CD44: variants seen among roughly 807,000 people sequenced by gnomAD.
CD44 encodes CD44 molecule (IN blood group).
In CD44, 49 loss-of-function variants were observed where a neutral mutation model predicts 88.8. The observed-to-expected ratio is 0.55, with a 90% CI of 0.44 to 0.70. The LOEUF (loss-of-function observed/expected upper bound fraction) is 0.70. Ranked by LOEUF, CD44 falls within the 30% of genes least tolerant of loss-of-function variation. CD44 has a pLI of 0.00. For synonymous variants in CD44, 325 were observed against 312.3 expected (o/e 1.04, Z -0.43); for missense variants, 883 against 913.8 (o/e 0.97, Z 0.43).
chr11:35,181,202 A>G (rs1013827078), intron 3 of CD44, among the ~76,000 whole-genome samples: 12 of 152,180 alleles, frequency 7.9e-5, no homozygotes, highest in Admixed American at 7.9e-4. Flanking sequence ...AGTATATGGT[A>G]TGCCTTTGAC....
intron 1 of CD44, among the ~76,000 whole-genome samples, chr11:35,156,040 A>G (rs1941819515): frequency 6.6e-6 from 1 of 152,154 alleles, no homozygotes. Flanking sequence ...TTTCTACCCC[A>G]GAGCTGATGT....
chr11:35,200,960 T>C, intron 7 of CD44, 122 bp from the exon 8 acceptor site: 1 of 739,964 alleles, frequency 1.4e-6, no homozygotes. Context: ...CATGCAGCCA[T>C]CTATACAACC....
intron 17 of CD44, among the ~76,000 whole-genome samples, chr11:35,228,130 A>G (rs1363387952): frequency 2.6e-5 from 4 of 152,174 alleles, no homozygotes; most frequent in African/African-American, 9.7e-5. Context: ...GATATGTTAC[A>G]GGAAAGAGGA....
chr11:35,146,971 A>G (rs189191757), intron 1 of CD44, among the ~76,000 whole-genome samples: 18 of 152,300 alleles, frequency 1.2e-4, no homozygotes, highest in Admixed American at 2.6e-4. Context: ...ATTCATTCTG[A>G]TCTCTGAATA....
chr11:35,151,204 C>T (rs954802696), intron 1 of CD44, among the ~76,000 whole-genome samples: 1 of 151,936 alleles, frequency 6.6e-6, no homozygotes. Flanking sequence ...TGATTGGGGC[C>T]AGGGGAGGGG....
Position 35,193,561 on chromosome 11 carries a change from G to A in CD44, c.668-3185G>A, listed in dbSNP as rs183735455. Among the ~76,000 whole-genome samples, 1,036 of 152,290 alleles carry A rather than the reference G, an allele frequency of 6.8e-3. 10 individuals carry two copies. Among genetic ancestry groups the A allele is most frequent in the South Asian group, 0.023 (109 of 4,826 alleles). ...CTTTTTTGAGGAAGGAGGACATAAC[G>A]TAGATTTTCAAAGGGATATATAATT... On this transcript the variant is annotated intron_variant, in intron 5 of 17. Coordinates refer to ENST00000428726, the MANE Select transcript of CD44 (RefSeq NM_000610.4).
rs765550004 is a variant in CD44 at position 35,229,300 on chromosome 11, C to A, written c.2196C>A (p.Asn732Lys). Residue 732 changes from asparagine (N) to lysine (K), a missense_variant, in exon 18 of 18, where the codon AAC becomes AAA. By Grantham distance (94) the Asn-to-Lys change is moderately conservative. Coordinates refer to ENST00000428726, the MANE Select transcript of CD44 (RefSeq NM_000610.4). ...TTATGACAGCTGATGAGACAAGGAA[C>A]CTGCAGAATGTGGACATGAAGATTG... The part of the protein sequence containing the change: ...DQFMTADETR[N>K]LQNVDMKIGV 6.2e-7 allele frequency: 1 copy of A among 1,613,542 alleles called. No homozygotes were observed. The highest frequency in any genetic ancestry group is 1.1e-5 in the South Asian group (1 of 91,068).
chr11:35,159,168 TTGCCAATGAGG>T (rs1160542372), intron 1 of CD44, among the ~76,000 whole-genome samples: 3 of 152,222 alleles, frequency 2.0e-5, no homozygotes, highest in Non-Finnish European at 2.9e-5. Context: ...AATTTCTTGG[TTGCCAATGAGG>T]TGCCAGCTTC....
At chr11:35,190,892 C>T (rs947264345) in intron 5 of CD44, among the ~76,000 whole-genome samples, 1 of 152,194 alleles carries the variant, frequency 6.6e-6, no homozygotes, top group Non-Finnish European at 1.5e-5. Context: ...AGTATGTAAA[C>T]ATTGCGTTCC....
At chr11:35,222,428 C>A in intron 17 of CD44, 2 of 1,295,344 alleles carry the variant, frequency 1.5e-6, no homozygotes, top group Non-Finnish European at 2.0e-6. Context: ...CGTCTTCTTG[C>A]TGTTAGGAGG....
intron 14 of CD44, chr11:35,212,721 C>T (rs771408465): frequency 1.3e-5 from 2 of 152,184 alleles, no homozygotes; most frequent in Non-Finnish European, 2.9e-5. Context: ...TTGTTCTGCT[C>T]TCATTTATTA....
chr11:35,176,791 GC>G lies in CD44; in HGVS notation c.233+52del, dbSNP rs74594564. On this transcript the variant is annotated intron_variant, in intron 2 of 17. Coordinates refer to ENST00000428726, the MANE Select transcript of CD44 (RefSeq NM_000610.4). Reference sequence around the variant, plus strand: ...GGGAAAGCTGGCGGCCTGGGACCAGGCAGCTGGGCTTAGAACTGGAAGGCTC... The same window carrying G: ...GGGAAAGCTGGCGGCCTGGGACCAGGAGCTGGGCTTAGAACTGGAAGGCTC... 5,315 of 1,567,048 alleles carry G rather than the reference GC, an allele frequency of 3.4e-3. 156 individuals carry two copies. In the Admixed American group the frequency reaches 0.051, roughly 15 times the overall value.
chr11:35,145,683 C>A (rs1859006233), intron 1 of CD44, among the ~76,000 whole-genome samples: 3 of 152,152 alleles, frequency 2.0e-5, no homozygotes, highest in South Asian at 4.1e-4. Flanking sequence ...GATACTGATA[C>A]GAGGTTGAGA....
At chr11:35,153,413 T>A (rs1941444705) in intron 1 of CD44, among the ~76,000 whole-genome samples, 1 of 152,222 alleles carries the variant, frequency 6.6e-6, no homozygotes, top group Non-Finnish European at 1.5e-5. Context: ...GGTATTTTTT[T>A]ATCCTTTTTG....
At chr11:35,179,586 C>T (rs1398966798) in intron 2 of CD44, among the ~76,000 whole-genome samples, 1 of 152,056 alleles carries the variant, frequency 6.6e-6, no homozygotes, top group Non-Finnish European at 1.5e-5. Flanking sequence ...CTACATGAGC[C>T]GTTGCTATCT....
At chr11:35,194,273 C>T (rs1591181550) in intron 5 of CD44, among the ~76,000 whole-genome samples, 1 of 152,220 alleles carries the variant, frequency 6.6e-6, no homozygotes, top group East Asian at 1.9e-4. Context: ...TTGTGGGAGA[C>T]ATTAGGAGTC....
At chr11:35,166,365 ACT>A (rs1943262216) in intron 1 of CD44, among the ~76,000 whole-genome samples, 1 of 151,702 alleles carries the variant, frequency 6.6e-6, no homozygotes, top group Non-Finnish European at 1.5e-5. Context: ...TGCCAGAAAG[ACT>A]CTGTTGGATC....
intron 1 of CD44, among the ~76,000 whole-genome samples, chr11:35,153,452 C>A (rs2133203029): frequency 6.6e-6 from 1 of 152,262 alleles, no homozygotes; most frequent in African/African-American, 2.4e-5. Context: ...AACCATAAGG[C>A]CCACAGCAAC....
chr11:35,225,752 G>A (rs1195147441), intron 17 of CD44, among the ~76,000 whole-genome samples: 1 of 152,176 alleles, frequency 6.6e-6, no homozygotes, highest in East Asian at 1.9e-4. Flanking sequence ...AGGAGGCAGA[G>A]GTTGCAGTGA....
Sources: gnomAD v4.1 joint callset for allele counts (sites outside exome capture counted in the v4.1 genomes callset) on GRCh38, gnomAD v4.1.1 for gene constraint, MANE v1.5 for transcripts, NCBI Gene and HGNC (gene_info 2026-07-23, HGNC 2026-07-21) for gene names.